NOL4: variants seen among roughly 807,000 people sequenced by gnomAD.
NOL4 encodes the protein cancer/testis antigen 125.
NOL4 carries 17 observed loss-of-function variants against 75.9 expected under a neutral mutation model. The observed-to-expected ratio is 0.22, with a 90% CI of 0.15 to 0.34. The LOEUF is 0.34. Ranked by LOEUF, NOL4 falls within the 10% of genes least tolerant of loss-of-function variation. The probability of loss-of-function intolerance (pLI) is 1.00; values close to 1 mark genes in which losing one functional copy is unlikely to be tolerated. For synonymous variants in NOL4, 292 were observed against 289.9 expected, an observed-to-expected ratio of 1.01 and a Z score of -0.07; for missense variants, 614 against 793.5, an observed-to-expected ratio of 0.77 and a Z score of 2.72.
intron 9 of NOL4, among the ~76,000 whole-genome samples, chr18:33,908,154 G>A (rs1162846851): frequency 6.6e-6 from 1 of 152,132 alleles, no homozygotes; most frequent in Non-Finnish European, 1.5e-5. Context: ...TTTTTCACAG[G>A]AGTCAGTTAC....
At chr18:33,876,545 T>C (rs1421254472) in intron 10 of NOL4, among the ~76,000 whole-genome samples, 2 of 152,122 alleles carry the variant, frequency 1.3e-5, no homozygotes, top group African/African-American at 4.8e-5. Context: ...GCTAATCTTC[T>C]GTTATGTCCT....
chr18:33,935,008 TG>T (rs2067966025), intron 9 of NOL4, among the ~76,000 whole-genome samples: 1 of 151,786 alleles, frequency 6.6e-6, no homozygotes, highest in Non-Finnish European at 1.5e-5. Context: ...ACAGATGCAC[TG>T]CGCCATGCCT....
chr18:33,896,809 A>T (rs769837245), intron 9 of NOL4, among the ~76,000 whole-genome samples: 8 of 152,204 alleles, frequency 5.3e-5, no homozygotes, highest in African/African-American at 1.9e-4. Context: ...ACTGCAAAAG[A>T]AACTATCAAC....
At chr18:34,120,098 T>C (rs965573405) in intron 2 of NOL4, among the ~76,000 whole-genome samples, 22 of 152,222 alleles carry the variant, frequency 1.4e-4, no homozygotes, top group African/African-American at 5.3e-4. Flanking sequence ...AAGACTATAT[T>C]TATCTAATAT....
chr18:34,066,825 T>C (rs1369762629), intron 5 of NOL4, among the ~76,000 whole-genome samples: 1 of 151,904 alleles, frequency 6.6e-6, no homozygotes, highest in Non-Finnish European at 1.5e-5. Context: ...ATATAATTAA[T>C]GTAAAAGAAT....
At chr18:34,067,016 A>AT (rs1295964785) in intron 5 of NOL4, among the ~76,000 whole-genome samples, 4 of 152,154 alleles carry the variant, frequency 2.6e-5, no homozygotes, top group African/African-American at 9.6e-5. Flanking sequence ...AATAGAAAAT[A>AT]TATTTTTTCA....
chr18:33,874,577 A>C (rs534179135), intron 10 of NOL4, among the ~76,000 whole-genome samples: 2 of 152,100 alleles, frequency 1.3e-5, no homozygotes, highest in South Asian at 4.1e-4. Flanking sequence ...TAAGAAATCT[A>C]GTCAAGTAAA....
At chr18:34,083,165 G>A (rs2078089317) in intron 5 of NOL4, among the ~76,000 whole-genome samples, 1 of 152,074 alleles carries the variant, frequency 6.6e-6, no homozygotes, top group Admixed American at 6.6e-5. Flanking sequence ...TAGGGATAAG[G>A]GTTCTTATGA....
intron 1 of NOL4, among the ~76,000 whole-genome samples, chr18:34,154,497 T>C (rs1182739516): frequency 2.0e-5 from 3 of 152,020 alleles, no homozygotes; most frequent in African/African-American, 7.2e-5. Context: ...GATTCATACA[T>C]GCTGTAGTGT....
intron 5 of NOL4, among the ~76,000 whole-genome samples, chr18:34,050,844 CT>C (rs2076596641): frequency 6.6e-6 from 1 of 151,938 alleles, no homozygotes; most frequent in Non-Finnish European, 1.5e-5. Flanking sequence ...AGTAAAAAGA[CT>C]GAAATATTGG....
intron 9 of NOL4, among the ~76,000 whole-genome samples, chr18:33,910,841 C>T (rs1037923100): frequency 2.0e-5 from 3 of 152,032 alleles, no homozygotes; most frequent in Non-Finnish European, 2.9e-5. Flanking sequence ...GTATACAACC[C>T]TCTTGGAATA....
At chr18:33,995,189 A>G (rs932211077) in intron 6 of NOL4, among the ~76,000 whole-genome samples, 1 of 151,594 alleles carries the variant, frequency 6.6e-6, no homozygotes, top group East Asian at 1.9e-4. Flanking sequence ...ACGTTTAAAA[A>G]CAGATGACTA....
intron 6 of NOL4, among the ~76,000 whole-genome samples, chr18:33,978,989 C>T (rs1329860660): frequency 6.6e-6 from 1 of 151,888 alleles, no homozygotes; most frequent in Admixed American, 6.6e-5. Flanking sequence ...TGATGTTTAA[C>T]TGTGGAGTGA....
intron 1 of NOL4, among the ~76,000 whole-genome samples, chr18:34,196,671 G>C (rs575095562): frequency 6.6e-6 from 1 of 152,048 alleles, no homozygotes; most frequent in African/African-American, 2.4e-5. Flanking sequence ...AAGATTACTT[G>C]GCATTTACAG....
At chr18:33,960,200 T>C (rs888615361) in intron 6 of NOL4, among the ~76,000 whole-genome samples, 3 of 152,042 alleles carry the variant, frequency 2.0e-5, no homozygotes, top group African/African-American at 7.2e-5. Context: ...ATTTAAATAA[T>C]TTATTAGTGC....
rs538483656 is a variant in NOL4 at position 34,030,870 on chromosome 18, A to T, written c.773-11269T>A. ...TCAATTAAAAATAAAATTTAAAAAGATGATTATTTACTCTATTGCTTAAAT... is the reference window on the plus strand; with the variant it reads ...TCAATTAAAAATAAAATTTAAAAAGTTGATTATTTACTCTATTGCTTAAAT... On this transcript the variant is annotated intron_variant, in intron 5 of 10. Coordinates refer to ENST00000261592, the MANE Select transcript of NOL4 (RefSeq NM_003787.5). Among the ~76,000 whole-genome samples, 9 of 152,318 alleles carry T rather than the reference A, an allele frequency of 5.9e-5. No homozygotes were observed. In the South Asian group the frequency reaches 6.2e-4, roughly 11 times the overall value.
intron 1 of NOL4, among the ~76,000 whole-genome samples, chr18:34,206,197 G>T (rs1237749732): frequency 6.6e-6 from 1 of 151,952 alleles, no homozygotes; most frequent in Non-Finnish European, 1.5e-5. Flanking sequence ...TCTGGTCAGG[G>T]AACATCCTTT....
intron 9 of NOL4, among the ~76,000 whole-genome samples, chr18:33,904,583 A>G (rs1003342709): frequency 2.0e-5 from 3 of 152,196 alleles, no homozygotes; most frequent in African/African-American, 7.2e-5. Context: ...AACAGGACAT[A>G]AGGCCATGAC....
chr18:33,887,096 G>GAT (rs1189593651), intron 9 of NOL4, among the ~76,000 whole-genome samples: 7 of 135,206 alleles, frequency 5.2e-5, no homozygotes, highest in Admixed American at 4.7e-4. Context: ...ATTAGATATA[G>GAT]ATATATATAT....
Sources: allele counts gnomAD v4.1 joint callset (sites outside exome capture counted in the v4.1 genomes callset), GRCh38; gene constraint gnomAD v4.1.1; transcripts MANE v1.5; gene names NCBI Gene and HGNC (gene_info 2026-07-23, HGNC 2026-07-21).